EMID1: variants seen among roughly 807,000 people sequenced by gnomAD.
EMID1 encodes EMI domain-containing protein 1.
Under a neutral mutation model 60.6 loss-of-function variants are expected in EMID1, and 40 were observed. The observed-to-expected ratio is 0.66, with a 90% CI of 0.51 to 0.86. The LOEUF (loss-of-function observed/expected upper bound fraction) is 0.86. EMID1 is among the 40% of genes least tolerant of loss of function. EMID1 has a pLI of 0.00. For synonymous variants in EMID1, 242 were observed against 231.0 expected, an observed-to-expected ratio of 1.05 and a Z score of -0.43; for missense variants, 585 against 597.1, an observed-to-expected ratio of 0.98 and a Z score of 0.21.
intron 12 of EMID1, among the ~76,000 whole-genome samples, chr22:29,239,780 CAG>C (rs976951550): frequency 2.1e-5 from 3 of 143,896 alleles, no homozygotes; most frequent in African/African-American, 7.6e-5. Flanking sequence ...TTTTTTGAGA[CAG>C]AGTCTCACTC....
rs527475380 is a variant in EMID1, at chr22:29,220,552, G to A, written c.320-4581G>A. 4.6e-5 allele frequency among the ~76,000 whole-genome samples: 7 copies of A among 152,170 alleles called. No individual in the cohort carries two copies. In the South Asian group the frequency reaches 6.2e-4, roughly 14 times the overall value. On this transcript the variant is annotated intron_variant, in intron 3 of 14. Coordinates refer to ENST00000334018, the MANE Select transcript of EMID1 (RefSeq NM_133455.4). ...CCCTATGGCCTGTGGTTACTAAACC[G>A]AGCAGAGCAGATCTCGGGGGTCGGT...
chr22:29,208,494 T>C (rs2039762855), intron 1 of EMID1, among the ~76,000 whole-genome samples: 1 of 152,186 alleles, frequency 6.6e-6, no homozygotes, highest in African/African-American at 2.4e-5. Context: ...GCGTTTCAGC[T>C]GAGGGTTCAA....
chr22:29,231,740 C>A, intron 7 of EMID1, 58 bp downstream of exon 7: 1 of 1,397,866 alleles, frequency 7.2e-7, no homozygotes, highest in Admixed American at 2.9e-5. Flanking sequence ...ACCAGGTGGG[C>A]CCTTCCCTGC....
At chr22:29,230,990 T>A (rs771150188) in intron 5 of EMID1, 30 bp from the exon 6 acceptor site, 4 of 1,603,758 alleles carry the variant, frequency 2.5e-6, no homozygotes, top group Non-Finnish European at 8.5e-7. Flanking sequence ...GAGACCCTGG[T>A]ACCCACCCCG....
At chr22:29,232,490 G>A (rs1358362716) in intron 8 of EMID1, 88 bp downstream of exon 8, 31 of 1,399,538 alleles carry the variant, frequency 2.2e-5, no homozygotes, top group Non-Finnish European at 2.8e-5. Flanking sequence ...CGTGCCTTCT[G>A]TGTGCCAGCC....
chr22:29,240,204 G>T (rs1422433485), intron 12 of EMID1, among the ~76,000 whole-genome samples: 1 of 152,132 alleles, frequency 6.6e-6, no homozygotes, highest in Non-Finnish European at 1.5e-5. Flanking sequence ...TTGTTTGGGG[G>T]TTGTTTTGCC....
Position 29,233,460 on chromosome 22 carries a change from G to A in EMID1, c.905G>A (p.Gly302Glu), listed in dbSNP as rs1040495266. 4 of 1,614,204 alleles carry A rather than the reference G, an allele frequency of 2.5e-6. No individual in the cohort carries two copies. The Admixed American group carries it at 6.7e-5, about 27-fold the overall frequency. The change falls in exon 9 of 15, where the codon GGG (glycine) becomes GAG (glutamate). Residue 302 changes from glycine to glutamate, a missense_variant. Physicochemically the swap from Gly to Glu is moderately conservative, Grantham distance 98. Transcript: ENST00000334018. Reference protein sequence around the residue: ...QGPTGPPGPPGPMGPPGPPGP... With the variant: ...QGPTGPPGPPEPMGPPGPPGP... ...CCCACTGGGCCTCCAGGCCCTCCAG[G>A]GCCCATGGGTAAGTTGAGTCCAGGC...
chr22:29,245,102 A>G (rs527391652), intron 13 of EMID1, among the ~76,000 whole-genome samples: 2 of 152,154 alleles, frequency 1.3e-5, no homozygotes, highest in South Asian at 4.2e-4. Context: ...GTGTCTGCCC[A>G]TGACTTCTGG....
chr22:29,242,041 G>A (rs539562021), intron 12 of EMID1, among the ~76,000 whole-genome samples: 1 of 152,154 alleles, frequency 6.6e-6, no homozygotes, highest in Admixed American at 6.5e-5. Flanking sequence ...CTCCTGAGTA[G>A]CTGGGACTAC....
At chr22:29,243,560 C>G in intron 13 of EMID1, 71 bp downstream of exon 13, 1 of 1,581,214 alleles carries the variant, frequency 6.3e-7, no homozygotes, top group East Asian at 2.2e-5. Context: ...TATTCCCTCC[C>G]CAGGAGGCCC....
intron 12 of EMID1, among the ~76,000 whole-genome samples, chr22:29,242,398 A>T (rs6006074): frequency 0.14 from 21,453 of 152,144 alleles, 1,774 homozygotes; most frequent in East Asian, 0.23. Flanking sequence ...ATCTCTCCTA[A>T]AATTCTCCAT....
intron 5 of EMID1, among the ~76,000 whole-genome samples, chr22:29,226,825 CTG>C (rs2040531094): frequency 1.3e-5 from 2 of 152,148 alleles, no homozygotes; most frequent in East Asian, 1.9e-4. Flanking sequence ...TCAGGGAAAA[CTG>C]TATATGTGAA....
chr22:29,226,465 G>A, intron 4 of EMID1, 25 bp from the exon 5 acceptor site: 4 of 1,610,178 alleles, frequency 2.5e-6, no homozygotes, highest in Admixed American at 1.7e-5. Flanking sequence ...CTTGGCCCTG[G>A]CCCCAGCTTC....
At chr22:29,239,845 C>T (rs560879812) in intron 12 of EMID1, among the ~76,000 whole-genome samples, 2 of 151,750 alleles carry the variant, frequency 1.3e-5, no homozygotes, top group East Asian at 3.9e-4. Context: ...CTGCAACCTC[C>T]ACCTCCTGTG....
At position 29,214,951 on chromosome 22, in the gene EMID1, C is replaced by G. The variant is rs1208797151; in HGVS notation, c.127C>G (p.Arg43Gly). 2 of 1,545,786 alleles carry G rather than the reference C, an allele frequency of 1.3e-6. No individual in the cohort carries two copies. Among genetic ancestry groups the G allele is most frequent in the Non-Finnish European group, 1.8e-6 (2 of 1,142,068 alleles). The change falls in exon 2 of 15, where the codon CGC becomes GGC. Residue 43 changes from arginine (R) to glycine (G), a missense_variant. Arg to Gly is a moderately radical substitution (Grantham distance 125, BLOSUM62 -2). Transcript: ENST00000334018. The stretch of plus-strand genomic sequence containing the variant: ...GAACTGGTGCTCCTATGTGGTGACC[C>G]GCACCATCTCATGCCATGTGCAGAA... ...RRNWCSYVVT[R>G]TISCHVQNGT...
chr22:29,210,859 G>A (rs1426175738), intron 1 of EMID1, among the ~76,000 whole-genome samples: 1 of 152,160 alleles, frequency 6.6e-6, no homozygotes, highest in Admixed American at 6.5e-5. Context: ...GTGTGTGTGA[G>A]GGCAGATGGC....
intron 1 of EMID1, among the ~76,000 whole-genome samples, chr22:29,206,398 G>T (rs1343417845): frequency 6.6e-6 from 1 of 152,216 alleles, no homozygotes; most frequent in Non-Finnish European, 1.5e-5. Context: ...CGCAACGAGG[G>T]CGAAGCCCTG....
intron 3 of EMID1, among the ~76,000 whole-genome samples, 184 bp downstream of exon 3, chr22:29,215,814 G>A (rs912022602): frequency 1.1e-4 from 17 of 152,060 alleles, no homozygotes; most frequent in African/African-American, 4.1e-4. Context: ...CACGGTGACC[G>A]CTTGCCTCTT....
chr22:29,217,596 G>A lies in EMID1; in HGVS notation c.319+1966G>A, dbSNP rs149528292. On this transcript the variant is annotated intron_variant, in intron 3 of 14. Coordinates refer to ENST00000334018, the MANE Select transcript of EMID1 (RefSeq NM_133455.4). The stretch of plus-strand genomic sequence containing the variant: ...CAAGCTGCTGTGTGTGCCTGCAGCA[G>A]CCCCGGCTCGTCCACATTCAGCCTC... Among the ~76,000 whole-genome samples, 381 of 152,378 alleles carry A rather than the reference G, an allele frequency of 2.5e-3. 5 individuals carry two copies. Among genetic ancestry groups the A allele is most frequent in the African/African-American group, 8.9e-3 (370 of 41,588 alleles).
Sources: gnomAD v4.1 joint callset for allele counts (sites outside exome capture counted in the v4.1 genomes callset) on GRCh38, gnomAD v4.1.1 for gene constraint, MANE v1.5 for transcripts, NCBI Gene and HGNC (gene_info 2026-07-23, HGNC 2026-07-21) for gene names.